Variants in FAM81A observed in about 807,000 individuals in gnomAD.
FAM81A encodes the protein protein FAM81A.
FAM81A carries 19 observed loss-of-function variants against 46.7 expected under a neutral mutation model. The observed-to-expected ratio is 0.41, with a 90% CI of 0.28 to 0.60. The LOEUF (loss-of-function observed/expected upper bound fraction) is 0.60. Ranked by LOEUF, FAM81A falls within the 20% of genes least tolerant of loss-of-function variation. FAM81A has a pLI of 0.34. For missense variants in FAM81A, 377 were observed against 453.5 expected (o/e 0.83, Z 1.53); for synonymous variants, 183 against 152.9 (o/e 1.20, Z -1.45).
intron 3 of FAM81A, among the ~76,000 whole-genome samples, chr15:59,461,419 G>A (rs980557681): frequency 5.3e-5 from 8 of 152,120 alleles, no homozygotes; most frequent in African/African-American, 1.9e-4. Flanking sequence ...CCAAGTAGCT[G>A]GGACTACAGG....
At chr15:59,520,876 C>T (rs1407538796) in intron 8 of FAM81A, among the ~76,000 whole-genome samples, 5 of 152,070 alleles carry the variant, frequency 3.3e-5, no homozygotes, top group African/African-American at 1.2e-4. Context: ...TTTGCTTCAT[C>T]TTGATATAAT....
At chr15:59,509,067 A>G in intron 6 of FAM81A, 98 bp downstream of exon 6, 7 of 875,154 alleles carry the variant, frequency 8.0e-6, no homozygotes, top group Non-Finnish European at 1.2e-5. Flanking sequence ...TTATTGCACA[A>G]ATTGAAAACA....
intron 3 of FAM81A, among the ~76,000 whole-genome samples, chr15:59,480,671 C>T (rs2081839054): frequency 6.6e-6 from 1 of 152,054 alleles, no homozygotes; most frequent in African/African-American, 2.4e-5. Context: ...TGAGGGTATG[C>T]CTGATGCTCA....
chr15:59,487,978 T>C (rs1428144297), intron 3 of FAM81A, among the ~76,000 whole-genome samples: 2 of 151,982 alleles, frequency 1.3e-5, no homozygotes, highest in African/African-American at 4.8e-5. Flanking sequence ...ACAAAAAACC[T>C]ACAGGCCAAT....
intron 4 of FAM81A, among the ~76,000 whole-genome samples, chr15:59,506,767 A>G (rs1458008321): frequency 6.6e-6 from 1 of 152,118 alleles, no homozygotes; most frequent in Non-Finnish European, 1.5e-5. Context: ...TCTACACCCT[A>G]CTCATACTAT....
At chr15:59,424,985 A>G (rs1460454421) in intron 2 of FAM81A, among the ~76,000 whole-genome samples, 1 of 152,204 alleles carries the variant, frequency 6.6e-6, no homozygotes, top group East Asian at 1.9e-4. Flanking sequence ...ATTTACTGCA[A>G]CTTTCAAACT....
intron 2 of FAM81A, among the ~76,000 whole-genome samples, chr15:59,416,388 A>G (rs1346235558): frequency 6.6e-6 from 1 of 152,232 alleles, no homozygotes; most frequent in Admixed American, 6.5e-5. Flanking sequence ...CCTTTGGTTA[A>G]GAGTCAACCC....
rs2082325344 is a variant in FAM81A, at chr15:59,521,291, G to A, written c.1020G>A (p.Arg340=). 6 of 1,613,560 alleles carry A rather than the reference G, an allele frequency of 3.7e-6. No homozygotes were observed. The highest frequency in any genetic ancestry group is 5.1e-6 in the Non-Finnish European group (6 of 1,179,762). ...TCTATGAAAGCATAGGATCCCTCAG[G>A]CAAGTTCTCGAGGCCAAGATGAAGC... The part of the protein sequence containing the change: ...TAVYESIGSL[R]QVLEAKMKLD... The change falls in exon 9 of 9, where the codon AGG becomes AGA. Residue 340 remains arginine (R), a synonymous_variant. Coordinates refer to ENST00000288228, the MANE Select transcript of FAM81A (RefSeq NM_152450.3).
At chr15:59,426,777 C>CAT (rs1278898168) in intron 2 of FAM81A, among the ~76,000 whole-genome samples, 4 of 152,182 alleles carry the variant, frequency 2.6e-5, no homozygotes, top group African/African-American at 4.8e-5. Context: ...CATACCTCTG[C>CAT]CACATACACT....
chr15:59,463,927 G>A (rs1402634644), intron 3 of FAM81A, among the ~76,000 whole-genome samples: 1 of 151,930 alleles, frequency 6.6e-6, no homozygotes, highest in Non-Finnish European at 1.5e-5. Flanking sequence ...CCAGATCAAG[G>A]TAATTTTGTG....
At chr15:59,505,842 C>G (rs921985898) in intron 4 of FAM81A, among the ~76,000 whole-genome samples, 1 of 152,170 alleles carries the variant, frequency 6.6e-6, no homozygotes, top group African/African-American at 2.4e-5. Context: ...TAAGAATGAT[C>G]CATTTATGTA....
chr15:59,474,969 G>T (rs998641845), intron 3 of FAM81A, among the ~76,000 whole-genome samples: 2 of 152,134 alleles, frequency 1.3e-5, no homozygotes, highest in African/African-American at 4.8e-5. Flanking sequence ...GTTTCAGGAA[G>T]AACTTGTTTA....
At chr15:59,498,712 G>A (rs1260102590) in intron 4 of FAM81A, among the ~76,000 whole-genome samples, 1 of 152,128 alleles carries the variant, frequency 6.6e-6, no homozygotes, top group Non-Finnish European at 1.5e-5. Flanking sequence ...ACAGTGAAGA[G>A]GTGCGATCTT....
intron 1 of FAM81A, among the ~76,000 whole-genome samples, chr15:59,449,247 T>G (rs982171593): frequency 5.3e-5 from 8 of 152,196 alleles, no homozygotes; most frequent in Non-Finnish European, 1.2e-4. Flanking sequence ...ACTCTTGGTT[T>G]ACATATTTTT....
intron 2 of FAM81A, among the ~76,000 whole-genome samples, chr15:59,410,543 G>A (rs935705571): frequency 1.6e-4 from 2 of 12,180 alleles, no homozygotes; most frequent in African/African-American, 1.8e-4. Context: ...TGTGGACTAC[G>A]AGAAAAAAAC....
chr15:59,474,772 G>A (rs1410960344), intron 3 of FAM81A, among the ~76,000 whole-genome samples: 1 of 152,236 alleles, frequency 6.6e-6, no homozygotes, highest in Non-Finnish European at 1.5e-5. Context: ...TAGGCTGAGT[G>A]AAGTGGCCTG....
chr15:59,412,477 A>G (rs1051936058), intron 2 of FAM81A, among the ~76,000 whole-genome samples: 3 of 152,176 alleles, frequency 2.0e-5, no homozygotes, highest in African/African-American at 7.2e-5. Flanking sequence ...TGTAATCCCA[A>G]CGCTTTGGGA....
chr15:59,401,517 T>C (rs2081070350), intron 1 of FAM81A: 21 of 748,864 alleles, frequency 2.8e-5, no homozygotes, highest in Non-Finnish European at 4.6e-5. Flanking sequence ...GGTGGTATTC[T>C]TGTAAAGCCA....
chr15:59,473,849 T>G (rs180749126), intron 3 of FAM81A, among the ~76,000 whole-genome samples: 229 of 152,310 alleles, frequency 1.5e-3, no homozygotes, highest in South Asian at 3.9e-3. Context: ...TTTATTTTAT[T>G]TTATTTTTTT....
Sources: gnomAD v4.1 joint callset for allele counts (sites outside exome capture counted in the v4.1 genomes callset) on GRCh38, gnomAD v4.1.1 for gene constraint, MANE v1.5 for transcripts, NCBI Gene and HGNC (gene_info 2026-07-23, HGNC 2026-07-21) for gene names.